Variants in PMS2 observed in about 807,000 individuals in gnomAD.
The protein encoded by PMS2 is PMS1 homolog 2, mismatch repair system component, also known as mismatch repair endonuclease PMS2.
Under a neutral mutation model 90.0 loss-of-function variants are expected in PMS2, and 69 were observed. The ratio of observed to expected loss-of-function variants is 0.77; its 90% CI spans 0.63 to 0.94. The LOEUF (loss-of-function observed/expected upper bound fraction) is 0.94, where lower values mean the gene tolerates loss of function less well. PMS2 is among the 40% of genes least tolerant of loss of function. The pLI is 0.00. For synonymous variants in PMS2, 332 were observed against 375.1 expected (o/e 0.89, Z 1.33); for missense variants, 966 against 1,040.2 (o/e 0.93, Z 0.98).
At chr7:6,000,001 T>C (rs1784916237) in intron 5 of PMS2, among the ~76,000 whole-genome samples, 1 of 152,110 alleles carries the variant, frequency 6.6e-6, no homozygotes, top group Non-Finnish European at 1.5e-5. Context: ...AATTATGGTA[T>C]AGCCATAGCG....
At chr7:5,996,157 G>A (rs534543343) in intron 7 of PMS2, among the ~76,000 whole-genome samples, 2 of 152,252 alleles carry the variant, frequency 1.3e-5, no homozygotes, top group South Asian at 4.1e-4. Flanking sequence ...TTCACATAAA[G>A]ACATAAAGCT....
At chr7:5,999,614 G>C (rs1784872495) in intron 5 of PMS2, among the ~76,000 whole-genome samples, 1 of 151,450 alleles carries the variant, frequency 6.6e-6, no homozygotes. Context: ...AACACAGCAA[G>C]ACCCTGTCTC....
chr7:6,002,690 C>T (rs1172866464), intron 4 of PMS2, 54 bp from the exon 5 acceptor site: 5 of 1,325,654 alleles, frequency 3.8e-6, no homozygotes, highest in African/African-American at 2.9e-5. Flanking sequence ...TGATGTTGGG[C>T]ACTGACTACT....
chr7:5,994,934 A>G (rs890568623), intron 8 of PMS2, among the ~76,000 whole-genome samples: 1 of 152,130 alleles, frequency 6.6e-6, no homozygotes, highest in African/African-American at 2.4e-5. Flanking sequence ...ATCTTCTGTA[A>G]TTTATTGAAT....
chr7:5,977,509 C>G, intron 14 of PMS2, 79 bp downstream of exon 14: 2 of 933,754 alleles, frequency 2.1e-6, no homozygotes, highest in South Asian at 1.4e-5. Context: ...CAACCTTGAC[C>G]AAATCAGGAG....
At position 5,992,049 on chromosome 7, in the gene PMS2, T is replaced by C. The variant is rs1490717599; in HGVS notation, c.912A>G (p.Arg304=). 1.3e-6 allele frequency: 2 copies of C among 1,557,808 alleles called. No homozygotes were observed. Residue 304 remains arginine (R), a synonymous_variant, in exon 9 of 15, where the codon AGA becomes AGG. Transcript: ENST00000265849. Reference sequence around the variant, plus strand: ...ACATGTGGTAGACCTCATTCACGAGTCTGCAGACCTGCACAAAATACAAGG... The same window carrying C: ...ACATGTGGTAGACCTCATTCACGAGCCTGCAGACCTGCACAAAATACAAGG... The part of the protein sequence containing the change: ...RRPCDPAKVC[R]LVNEVYHMYN...
chr7:5,999,353 A>G, intron 5 of PMS2, 78 bp from the exon 6 acceptor site: 1 of 1,268,246 alleles, frequency 7.9e-7, no homozygotes, highest in Non-Finnish European at 1.2e-6. Flanking sequence ...TACAACATCC[A>G]ACGCAAGGTT....
chr7:6,000,261 C>A (rs1387323146), intron 5 of PMS2, among the ~76,000 whole-genome samples: 1 of 151,532 alleles, frequency 6.6e-6, no homozygotes. Context: ...GGAGTCCCAG[C>A]TACTTGGGAG....
intron 10 of PMS2, among the ~76,000 whole-genome samples, chr7:5,988,364 C>A (rs979679952): frequency 4.6e-5 from 7 of 151,956 alleles, no homozygotes; most frequent in African/African-American, 1.5e-4. Context: ...ACCAGCCTGA[C>A]CAACATGGTG....
At position 5,978,631 on chromosome 7, in the gene PMS2, C is replaced by G. The variant is rs587782671; in HGVS notation, c.2240G>C (p.Arg747Thr). 4.4e-6 allele frequency: 7 copies of G among 1,603,542 alleles called. 1 individual carries two copies. The highest frequency in any genetic ancestry group is 6.0e-6 in the Non-Finnish European group (7 of 1,173,202). ...AVLIENLEIF[R>T]KNGFDFVIDE... ...GATAACAAAATCAAAGCCATTCTTT[C>G]TAAATATTTCCAGATTTTCTATCAG... The change falls in exon 13 of 15, where the codon AGA (arginine) becomes ACA (threonine). Residue 747 changes from arginine (R) to threonine (T), a missense_variant. Physicochemically the swap from Arg to Thr is moderately conservative, Grantham distance 71. Coordinates refer to ENST00000265849, the MANE Select transcript of PMS2 (RefSeq NM_000535.7).
rs587782336 is a variant in PMS2, at chr7:5,982,993, T to G, written c.2007-2A>C. 1.3e-6 allele frequency: 2 copies of G among 1,481,744 alleles called. No individual in the cohort carries two copies. Among genetic ancestry groups the G allele is most frequent in the Non-Finnish European group, 1.9e-6 (2 of 1,080,996 alleles). The allele number at this position is 1,481,744 out of a possible 1,614,324, so 91.8% of individuals were successfully genotyped here. A position where few individuals can be genotyped will look rare whatever the true frequency, so the allele number is the denominator to read the frequency against. On this transcript the variant is annotated splice_acceptor_variant, in intron 11 of 14. Coordinates refer to ENST00000265849, the MANE Select transcript of PMS2 (RefSeq NM_000535.7). LOFTEE classifies it high-confidence loss of function. ...TCCATTTCTGCAAACATCGTTTTAC[T>G]GCAGGTAGAAAATGTTAATTATCAG... is the stretch of plus-strand genomic sequence containing the variant.
chr7:6,006,148 T>A, intron 1 of PMS2, 117 bp from the exon 2 acceptor site: 1 of 1,134,666 alleles, frequency 8.8e-7, no homozygotes. Context: ...ATCTATTCAT[T>A]TATTATATTA....
chr7:6,005,494 A>G (rs1785630073), intron 2 of PMS2, among the ~76,000 whole-genome samples: 1 of 152,134 alleles, frequency 6.6e-6, no homozygotes, highest in African/African-American at 2.4e-5. Context: ...GTGAGCCACT[A>G]TGCCTGGCCT....
intron 9 of PMS2, 130 bp downstream of exon 9, chr7:5,991,843 A>T: frequency 1.5e-6 from 1 of 664,564 alleles, no homozygotes; most frequent in Middle Eastern, 3.6e-4. Flanking sequence ...CGTCTCAAAA[A>T]AAAACAAAAA....
At position 5,987,294 on chromosome 7, in the gene PMS2, C is replaced by A. The variant is rs1064794577; in HGVS notation, c.1471G>T (p.Glu491Ter). ...PSDPTDRAEV[E>*]KDSGHGSTSV... ...GTGCTGCCGTGCCCCGAGTCCTTCTCCACCTCCGCTCTGTCCGTAGGGTCA... is the reference window on the plus strand; with the variant it reads ...GTGCTGCCGTGCCCCGAGTCCTTCTACACCTCCGCTCTGTCCGTAGGGTCA... The change falls in exon 11 of 15, where the codon GAG becomes TAG. Residue 491 changes from glutamate to a stop codon, truncating the protein, a stop_gained. Transcript: ENST00000265849. LOFTEE classifies it high-confidence loss of function. 6.2e-7 allele frequency: 1 copy of A among 1,614,074 alleles called. No individual in the cohort carries two copies. The highest frequency in any genetic ancestry group is 1.3e-5 in the African/African-American group (1 of 74,932).
intron 10 of PMS2, 140 bp downstream of exon 10, chr7:5,989,660 C>G: frequency 1.6e-6 from 1 of 627,328 alleles, no homozygotes; most frequent in Non-Finnish European, 2.7e-6. Context: ...GAGCAAGTCC[C>G]TGTCTCAAAA....
Position 5,977,831 on chromosome 7 carries a change from C to T in PMS2, c.2276-74G>A, listed in dbSNP as rs553268110. On this transcript the variant is annotated intron_variant, in intron 13 of 14. Coordinates refer to ENST00000265849, the MANE Select transcript of PMS2 (RefSeq NM_000535.7). ...TCACTTGAAAGCTACTTAGGATGAA[C>T]ATCTGAGGCCGGGCGTGGTGGCTCA... 6.3e-5 allele frequency: 99 copies of T among 1,564,660 alleles called. 2 individuals are homozygous for T. The East Asian group carries it at 2.1e-3, about 34-fold the overall frequency.
At chr7:5,994,344 G>A (rs1269443490) in intron 8 of PMS2, among the ~76,000 whole-genome samples, 1 of 151,456 alleles carries the variant, frequency 6.6e-6, no homozygotes, top group African/African-American at 2.4e-5. Flanking sequence ...TCGCACCATT[G>A]CACTCCAGAC....
At chr7:5,994,469 C>T (rs1437876940) in intron 8 of PMS2, among the ~76,000 whole-genome samples, 2 of 151,490 alleles carry the variant, frequency 1.3e-5, no homozygotes, top group African/African-American at 4.9e-5. Context: ...CCTGATAAAC[C>T]CATAAGTTAA....
Sources: allele counts gnomAD v4.1 joint callset (sites outside exome capture counted in the v4.1 genomes callset), GRCh38; gene constraint gnomAD v4.1.1; transcripts MANE v1.5; gene names NCBI Gene and HGNC (gene_info 2026-07-23, HGNC 2026-07-21).